Variants in TRPM3 observed in about 807,000 individuals in gnomAD.
The protein encoded by TRPM3 is long transient receptor potential channel 3.
In TRPM3, 77 loss-of-function variants were observed where a neutral mutation model predicts 181.2. The observed-to-expected ratio is 0.42, with a 90% CI of 0.35 to 0.51. TRPM3 has a LOEUF of 0.51. Among genes scored for constraint, TRPM3 ranks in the 20% least tolerant of loss-of-function variants. The pLI is 0.01. For missense variants in TRPM3, 1,759 were observed against 2,196.7 expected (o/e 0.80, Z 3.98); for synonymous variants, 745 against 796.4 (o/e 0.94, Z 1.09).
At chr9:71,296,424 C>T (rs2086263573) in intron 1 of TRPM3, among the ~76,000 whole-genome samples, 2 of 152,056 alleles carry the variant, frequency 1.3e-5, no homozygotes, top group African/African-American at 4.8e-5. Flanking sequence ...TAACATTTGA[C>T]CTAGACTAGA....
At chr9:70,998,226 TATACAC>T (rs2097563218) in intron 1 of TRPM3, among the ~76,000 whole-genome samples, 1 of 119,172 alleles carries the variant, frequency 8.4e-6, no homozygotes, top group African/African-American at 2.9e-5. Context: ...TATATATACA[TATACAC>T]ACACACACAC....
At chr9:71,277,270 C>G (rs1354116018) in intron 1 of TRPM3, among the ~76,000 whole-genome samples, 1 of 152,184 alleles carries the variant, frequency 6.6e-6, no homozygotes, top group Non-Finnish European at 1.5e-5. Flanking sequence ...ACCACCCTCA[C>G]GTGCTCAAGC....
At chr9:71,325,349 C>T (rs922498094) in intron 1 of TRPM3, among the ~76,000 whole-genome samples, 2 of 152,118 alleles carry the variant, frequency 1.3e-5, no homozygotes, top group Non-Finnish European at 2.9e-5. Context: ...TCAGCACCAA[C>T]TTATCATACA....
intron 1 of TRPM3, among the ~76,000 whole-genome samples, chr9:71,211,474 G>C (rs968437804): frequency 1.3e-5 from 2 of 151,806 alleles, no homozygotes; most frequent in East Asian, 3.9e-4. Context: ...CTAGGGCTGT[G>C]TAACAAAATG....
intron 1 of TRPM3, among the ~76,000 whole-genome samples, chr9:71,258,508 C>A (rs2082823296): frequency 6.6e-6 from 1 of 152,140 alleles, no homozygotes; most frequent in Non-Finnish European, 1.5e-5. Context: ...TATTTTCCTA[C>A]TTGAAAAGTG....
intron 1 of TRPM3, among the ~76,000 whole-genome samples, chr9:71,358,373 C>A (rs1253981081): frequency 6.6e-6 from 1 of 152,140 alleles, no homozygotes; most frequent in Non-Finnish European, 1.5e-5. Context: ...AAATCACAGA[C>A]TTACAAGCTT....
Position 70,539,823 on chromosome 9 carries a change from T to C in TRPM3, c.3708-2418A>G, listed in dbSNP as rs73649137. 9.7e-3 allele frequency among the ~76,000 whole-genome samples: 1,483 copies of C among 152,240 alleles called. 22 individuals are homozygous for C. Among genetic ancestry groups the C allele is most frequent in the African/African-American group, 0.034 (1,406 of 41,508 alleles). ...TGTAGTTAAATTTTTTACAATGCAA[T>C]CTGTTATATTTATTTCTTTATTTAT... is the stretch of plus-strand genomic sequence containing the variant. On this transcript the variant is annotated intron_variant, in intron 25 of 25. Transcript: ENST00000677713.
chr9:71,115,021 G>A (rs1252526942), intron 1 of TRPM3, among the ~76,000 whole-genome samples: 1 of 152,178 alleles, frequency 6.6e-6, no homozygotes, highest in Non-Finnish European at 1.5e-5. Flanking sequence ...AGAACTCAGA[G>A]CAGGGCAGCT....
chr9:71,145,810 T>G (rs2075372443), intron 1 of TRPM3, among the ~76,000 whole-genome samples: 1 of 151,882 alleles, frequency 6.6e-6, no homozygotes. Flanking sequence ...TATAAACTAA[T>G]TAGAATAAAA....
chr9:70,874,863 A>C (rs2095845582), intron 1 of TRPM3, among the ~76,000 whole-genome samples: 2 of 151,814 alleles, frequency 1.3e-5, no homozygotes. Context: ...AAAAAAAATC[A>C]ATCTCTTTCT....
intron 1 of TRPM3, among the ~76,000 whole-genome samples, chr9:71,194,412 G>A (rs1328028996): frequency 6.6e-6 from 1 of 151,874 alleles, no homozygotes; most frequent in African/African-American, 2.4e-5. Context: ...CCCTGTTGCT[G>A]AATTTTAGCC....
intron 1 of TRPM3, among the ~76,000 whole-genome samples, chr9:71,195,442 T>C (rs552654010): frequency 3.9e-5 from 6 of 152,110 alleles, no homozygotes; most frequent in Admixed American, 6.6e-5. Flanking sequence ...ATGGCTATTA[T>C]TAAAATGTCA....
At chr9:70,766,975 G>T (rs1007179909) in intron 7 of TRPM3, among the ~76,000 whole-genome samples, 4 of 152,212 alleles carry the variant, frequency 2.6e-5, no homozygotes, top group Non-Finnish European at 4.4e-5. Context: ...TTTGTAAAAG[G>T]CTTAGAAAAG....
At chr9:70,560,341 C>T (rs1009432187) in intron 22 of TRPM3, among the ~76,000 whole-genome samples, 1 of 152,164 alleles carries the variant, frequency 6.6e-6, no homozygotes, top group African/African-American at 2.4e-5. Flanking sequence ...TGGGCACTAC[C>T]CTCTGTCTGA....
intron 1 of TRPM3, among the ~76,000 whole-genome samples, chr9:71,406,721 A>T (rs2093442255): frequency 6.6e-6 from 1 of 152,198 alleles, no homozygotes; most frequent in South Asian, 2.1e-4. Context: ...GCCTTTAAGA[A>T]CCATAACAAG....
intron 6 of TRPM3, among the ~76,000 whole-genome samples, chr9:70,820,530 G>C (rs561346291): frequency 1.3e-5 from 2 of 152,268 alleles, no homozygotes; most frequent in Admixed American, 1.3e-4. Context: ...CGCCGAGCCT[G>C]TTATAAGACA....
At chr9:71,439,315 T>C (rs979786095) in intron 1 of TRPM3, among the ~76,000 whole-genome samples, 8 of 152,264 alleles carry the variant, frequency 5.3e-5, no homozygotes, top group African/African-American at 1.2e-4. Flanking sequence ...GCTTTTTACA[T>C]GCATTGTAAC....
intron 3 of TRPM3, among the ~76,000 whole-genome samples, chr9:70,859,782 C>G (rs1179534736): frequency 6.6e-6 from 1 of 152,184 alleles, no homozygotes; most frequent in African/African-American, 2.4e-5. Context: ...CGTAATAGCA[C>G]ACCCATGGCA....
At chr9:71,081,190 G>A (rs1439375589) in intron 1 of TRPM3, among the ~76,000 whole-genome samples, 1 of 152,138 alleles carries the variant, frequency 6.6e-6, no homozygotes, top group African/African-American at 2.4e-5. Flanking sequence ...AGGAGCAATG[G>A]CTATAATATG....
Sources: gnomAD v4.1 joint callset for allele counts (sites outside exome capture counted in the v4.1 genomes callset) on GRCh38, gnomAD v4.1.1 for gene constraint, MANE v1.5 for transcripts, NCBI Gene and HGNC (gene_info 2026-07-23, HGNC 2026-07-21) for gene names.